PTGR2: variants seen among roughly 807,000 people sequenced by gnomAD.
PTGR2 encodes 15-oxoprostaglandin 13-reductase.
In PTGR2, 32 loss-of-function variants were observed where a neutral mutation model predicts 43.4. The observed-to-expected ratio is 0.74, with a 90% CI of 0.56 to 0.99. PTGR2 has a LOEUF of 0.99. Ranked by LOEUF, PTGR2 falls within the 50% of genes least tolerant of loss-of-function variation. PTGR2 has a pLI of 0.00. For missense variants in PTGR2, 373 were observed against 420.0 expected, an observed-to-expected ratio of 0.89 and a Z score of 0.98; for synonymous variants, 106 against 139.2, an observed-to-expected ratio of 0.76 and a Z score of 1.68.
At chr14:73,869,500 G>A (rs1830474615) in intron 3 of PTGR2, among the ~76,000 whole-genome samples, 1 of 151,216 alleles carries the variant, frequency 6.6e-6, no homozygotes, top group Admixed American at 6.6e-5. Flanking sequence ...CTTGAGCCCA[G>A]GAGGTCGAAG....
chr14:73,879,946 G>T (rs538411360), intron 6 of PTGR2, 109 bp from the exon 7 acceptor site: 3 of 1,056,592 alleles, frequency 2.8e-6, no homozygotes, highest in South Asian at 1.6e-5. Flanking sequence ...AAAAAAAATC[G>T]AACTAGTTGA....
intron 4 of PTGR2, among the ~76,000 whole-genome samples, chr14:73,874,784 TTA>T (rs2054818260): frequency 6.6e-6 from 1 of 152,190 alleles, no homozygotes; most frequent in South Asian, 2.1e-4. Context: ...AAAGGTTATC[TTA>T]TTGTAGATAA....
Position 73,870,499 on chromosome 14 carries a change from G to A in PTGR2, c.157-3524G>A, listed in dbSNP as rs1399976976. Reference sequence around the variant, plus strand: ...CAGACCTCTTAAGCAGCTTTAAAAGGGAAAAGGGAGTCTAACAAACATTAA... The same window carrying A: ...CAGACCTCTTAAGCAGCTTTAAAAGAGAAAAGGGAGTCTAACAAACATTAA... On this transcript the variant is annotated intron_variant, in intron 3 of 9. Coordinates refer to ENST00000555661, the MANE Select transcript of PTGR2 (RefSeq NM_001146154.2). Among the ~76,000 whole-genome samples, 3 of 151,974 alleles carry A rather than the reference G, an allele frequency of 2.0e-5. No homozygotes were observed. In the East Asian group the frequency reaches 5.8e-4, roughly 29 times the overall value.
intron 3 of PTGR2, among the ~76,000 whole-genome samples, chr14:73,867,101 A>C (rs576302059): frequency 5.0e-4 from 70 of 141,378 alleles, no homozygotes; most frequent in East Asian, 1.5e-3. Flanking sequence ...AAAAAAAAAA[A>C]AAAAAAACAA....
At chr14:73,857,606 T>TCTGTCCCC (rs1343447231) in intron 1 of PTGR2, among the ~76,000 whole-genome samples, 1 of 131,854 alleles carries the variant, frequency 7.6e-6, no homozygotes, top group Non-Finnish European at 1.7e-5. Context: ...AGAGTAAGAT[T>TCTGTCCCC]CTGTCCCCCA....
rs1307188330 is a variant in PTGR2 at position 73,874,230 on chromosome 14, A to C, written c.348+16A>C. ...CCTTGAAAAGGTGATATATATATGAACATATCTGATTTTTTTTCCCCGTAT... is the reference window on the plus strand; with the variant it reads ...CCTTGAAAAGGTGATATATATATGACCATATCTGATTTTTTTTCCCCGTAT... On this transcript the variant is annotated intron_variant, in intron 4 of 9. Coordinates refer to ENST00000555661, the MANE Select transcript of PTGR2 (RefSeq NM_001146154.2). 2.6e-6 allele frequency: 4 copies of C among 1,553,248 alleles called. No homozygotes were observed. The highest frequency in any genetic ancestry group is 3.5e-6 in the Non-Finnish European group (4 of 1,143,456).
chr14:73,873,883 T>C, intron 3 of PTGR2, 140 bp from the exon 4 acceptor site: 1 of 583,022 alleles, frequency 1.7e-6, no homozygotes, highest in East Asian at 3.0e-5. Context: ...GTCTTATGTT[T>C]AAGTCTTGAA....
intron 5 of PTGR2, 65 bp downstream of exon 5, chr14:73,877,233 A>C (rs976347408): frequency 1.4e-5 from 19 of 1,397,878 alleles, no homozygotes; most frequent in Non-Finnish European, 1.9e-5. Context: ...CTTAATTGAA[A>C]TTCCGGATAT....
intron 9 of PTGR2, among the ~76,000 whole-genome samples, chr14:73,883,887 C>A (rs2055064001): frequency 6.6e-6 from 1 of 152,080 alleles, no homozygotes; most frequent in African/African-American, 2.4e-5. Flanking sequence ...TTAAATCTTT[C>A]CAGTATGGGC....
intron 3 of PTGR2, among the ~76,000 whole-genome samples, chr14:73,872,304 C>A (rs1012548001): frequency 1.3e-5 from 2 of 152,180 alleles, no homozygotes; most frequent in Non-Finnish European, 2.9e-5. Flanking sequence ...GTATAAAATT[C>A]ACTTCACTTC....
Position 73,884,351 on chromosome 14 carries a change from G to T in PTGR2, c.*174G>T. On this transcript the variant is annotated 3_prime_UTR_variant, in exon 10 of 10. Transcript: ENST00000555661. The stretch of plus-strand genomic sequence containing the variant: ...AATCATTAATGGATCATACACAATA[G>T]GTTTTTAAAAATTAATAACTTTTAG... 6 of 442,078 alleles carry T rather than the reference G, an allele frequency of 1.4e-5. No individual in the cohort carries two copies. The highest frequency in any genetic ancestry group is 1.6e-5 in the Non-Finnish European group (4 of 254,826). 27.4% of individuals were successfully genotyped at this position (442,078 alleles called of 1,614,324 possible). A position where few individuals can be genotyped will look rare whatever the true frequency, so the allele number is the denominator to read the frequency against.
intron 2 of PTGR2, among the ~76,000 whole-genome samples, chr14:73,859,403 T>A (rs1230089826): frequency 1.3e-5 from 2 of 152,064 alleles, no homozygotes; most frequent in Non-Finnish European, 2.9e-5. Context: ...GCAGTTAGAT[T>A]AAGATCTTTA....
intron 2 of PTGR2, among the ~76,000 whole-genome samples, chr14:73,860,235 A>T (rs1388115398): frequency 6.6e-6 from 1 of 151,904 alleles, no homozygotes; most frequent in Admixed American, 6.6e-5. Flanking sequence ...TGGGAGGCCA[A>T]GGTGGGCAGA....
chr14:73,870,193 C>CTTT lies in PTGR2; in HGVS notation c.157-3814_157-3812dup, dbSNP rs34746463. 1.3e-3 allele frequency among the ~76,000 whole-genome samples: 171 copies of CTTT among 127,582 alleles called. 6 individuals are homozygous for CTTT. The highest frequency in any genetic ancestry group is 3.6e-3 in the African/African-American group (122 of 34,242). The allele number at this position is 127,582 out of a possible 152,430, so 83.7% of individuals were successfully genotyped here. ...AAAAAATAGAAAAATCTTAAGCAAC[C>CTTT]TTTTTTTTTTTTTTTTTTGAGATAG... is the stretch of plus-strand genomic sequence containing the variant. On this transcript the variant is annotated intron_variant, in intron 3 of 9. Coordinates refer to ENST00000555661, the MANE Select transcript of PTGR2 (RefSeq NM_001146154.2).
chr14:73,862,209 T>G (rs1471009875), intron 3 of PTGR2, among the ~76,000 whole-genome samples: 1 of 151,346 alleles, frequency 6.6e-6, no homozygotes, highest in Non-Finnish European at 1.5e-5. Context: ...GTTGTTGTTG[T>G]TTGTTTGTTT....
chr14:73,858,149 C>T (rs2054404449), intron 1 of PTGR2: 1 of 152,218 alleles, frequency 6.6e-6, no homozygotes, highest in Non-Finnish European at 1.5e-5. Flanking sequence ...ATATAACTCA[C>T]TACCTTTGGA....
chr14:73,855,763 A>G (rs957309454), intron 1 of PTGR2, among the ~76,000 whole-genome samples: 4 of 148,798 alleles, frequency 2.7e-5, no homozygotes, highest in African/African-American at 9.8e-5. Flanking sequence ...TTATTTTTTA[A>G]GAAATTTAGT....
At chr14:73,871,686 T>C (rs2140259280) in intron 3 of PTGR2, among the ~76,000 whole-genome samples, 1 of 152,212 alleles carries the variant, frequency 6.6e-6, no homozygotes, top group Admixed American at 6.5e-5. Flanking sequence ...ACAGTTGAAC[T>C]GAATGGAATT....
intron 2 of PTGR2, 101 bp from the exon 3 acceptor site, chr14:73,860,438 G>C: frequency 1.7e-6 from 1 of 581,686 alleles, no homozygotes. Context: ...CTGCATTCCA[G>C]CCTGGGTGAT....
Sources: allele counts gnomAD v4.1 joint callset (sites outside exome capture counted in the v4.1 genomes callset), GRCh38; gene constraint gnomAD v4.1.1; transcripts MANE v1.5; gene names NCBI Gene and HGNC (gene_info 2026-07-23, HGNC 2026-07-21).